Variants in FAM117A observed in about 807,000 individuals in gnomAD.
FAM117A encodes the protein family with sequence similarity 117 member A.
FAM117A carries 21 observed loss-of-function variants against 44.1 expected under a neutral mutation model. The observed-to-expected ratio is 0.48, with a 90% CI of 0.34 to 0.69. FAM117A has a LOEUF of 0.69. FAM117A is among the 30% of genes least tolerant of loss of function. The pLI, the probability that FAM117A is intolerant of heterozygous loss-of-function variation, is 0.01. For synonymous variants in FAM117A, 220 were observed against 238.3 expected (o/e 0.92, Z 0.71); for missense variants, 498 against 589.9 (o/e 0.84, Z 1.61).
chr17:49,788,200 C>T (rs1462689201), intron 1 of FAM117A, among the ~76,000 whole-genome samples: 1 of 152,184 alleles, frequency 6.6e-6, no homozygotes, highest in Non-Finnish European at 1.5e-5. Context: ...TTTTCAATTC[C>T]CCATTCCCAC....
At chr17:49,754,516 T>C (rs2073690336) in intron 1 of FAM117A, among the ~76,000 whole-genome samples, 1 of 151,676 alleles carries the variant, frequency 6.6e-6, no homozygotes, top group Non-Finnish European at 1.5e-5. Context: ...GTGTTAGCCA[T>C]GATGGTCTCG....
At chr17:49,720,303 G>A (rs527309759) in intron 4 of FAM117A, 23 bp downstream of exon 4, 1 of 1,586,704 alleles carries the variant, frequency 6.3e-7, no homozygotes, top group Non-Finnish European at 8.6e-7. Context: ...ACAGAGGGGA[G>A]AGGGCTGGGG....
intron 3 of FAM117A, 140 bp downstream of exon 3, chr17:49,722,359 A>C (rs990148917): frequency 1.5e-6 from 1 of 668,278 alleles, no homozygotes; most frequent in African/African-American, 1.8e-5. Flanking sequence ...GCTAGGAAGG[A>C]GCCATCTCAT....
At position 49,763,911 on chromosome 17, in the gene FAM117A, C is replaced by A. The variant is rs2073733898; in HGVS notation, c.177G>T (p.Arg59=). The change falls in exon 1 of 8, where the codon CGG becomes CGT. Residue 59 remains arginine (R), a synonymous_variant. Coordinates refer to ENST00000240364, the MANE Select transcript of FAM117A (RefSeq NM_030802.4). ...PFQLQQPHQR[R]DGGGRAASVP... is the part of the protein sequence containing the mutation. Reference sequence around the variant, plus strand: ...GCTCACCTGCACGGCCACCCCCGTCCCGGCGCTGGTGCGGCTGCTGCAGCT... The same window carrying A: ...GCTCACCTGCACGGCCACCCCCGTCACGGCGCTGGTGCGGCTGCTGCAGCT... 2 of 1,237,046 alleles carry A rather than the reference C, an allele frequency of 1.6e-6. No individual in the cohort carries two copies. The allele number at this position is 1,237,046 out of a possible 1,614,324, so 76.6% of individuals were successfully genotyped here.
chr17:49,778,578 G>A (rs1598039284), intron 1 of FAM117A, among the ~76,000 whole-genome samples: 1 of 152,218 alleles, frequency 6.6e-6, no homozygotes, highest in East Asian at 1.9e-4. Flanking sequence ...TGCAGGTAGA[G>A]TGACCAGAAT....
upstream of FAM117A, among the ~76,000 whole-genome samples, chr17:49,767,064 G>C (rs985354688): frequency 1.3e-5 from 2 of 152,186 alleles, no homozygotes; most frequent in African/African-American, 4.8e-5. Flanking sequence ...CTAGCTGGAG[G>C]AGTGAGAAGG....
At chr17:49,777,899 G>A (rs1482640301) in intron 1 of FAM117A, among the ~76,000 whole-genome samples, 4 of 152,246 alleles carry the variant, frequency 2.6e-5, no homozygotes, top group African/African-American at 9.6e-5. Flanking sequence ...AACAGGGTCT[G>A]TGCCCAAGAG....
chr17:49,713,059 A>T (rs369431685), intron 7 of FAM117A, among the ~76,000 whole-genome samples: 111 of 151,922 alleles, frequency 7.3e-4, no homozygotes, highest in Non-Finnish European at 1.2e-3. Context: ...TATTATTATT[A>T]TTTTTTTAGT....
intron 2 of FAM117A, among the ~76,000 whole-genome samples, chr17:49,724,822 G>GAAAAAAAAAAAAAA (rs906558600): frequency 2.3e-5 from 1 of 43,564 alleles, no homozygotes; most frequent in Non-Finnish European, 5.5e-5. Flanking sequence ...ACAGTCTCAA[G>GAAAAAAAAAAAAAA]AAAAAAAAAA....
At chr17:49,719,934 C>A (rs1343219725) in intron 4 of FAM117A, 40 bp from the exon 5 acceptor site, 1 of 1,584,250 alleles carries the variant, frequency 6.3e-7, no homozygotes, top group Middle Eastern at 1.7e-4. Context: ...CACAGCCCCA[C>A]CAGGCCTAGA....
intron 1 of FAM117A, among the ~76,000 whole-genome samples, chr17:49,734,913 CA>C (rs1377102086): frequency 2.0e-5 from 3 of 152,032 alleles, no homozygotes; most frequent in Admixed American, 6.6e-5. Context: ...GTAAGCAAGA[CA>C]AAAGGACAAA....
At chr17:49,733,463 A>C (rs1194679099) in intron 1 of FAM117A, among the ~76,000 whole-genome samples, 1 of 151,654 alleles carries the variant, frequency 6.6e-6, no homozygotes, top group African/African-American at 2.4e-5. Context: ...ACTTGAGGTC[A>C]GGAGTTTGAG....
intron 1 of FAM117A, among the ~76,000 whole-genome samples, chr17:49,782,113 C>T (rs190953134): frequency 2.3e-3 from 355 of 152,050 alleles, no homozygotes; most frequent in African/African-American, 7.7e-3. Context: ...TGGTGGCTCA[C>T]GCCTGTAATC....
At chr17:49,782,708 A>AC (rs1002168301) in intron 1 of FAM117A, among the ~76,000 whole-genome samples, 5 of 151,892 alleles carry the variant, frequency 3.3e-5, no homozygotes, top group African/African-American at 1.2e-4. Flanking sequence ...AAAAAAAAAA[A>AC]AAACCCTTTG....
chr17:49,714,016 G>A (rs747171550), intron 7 of FAM117A, among the ~76,000 whole-genome samples: 1 of 152,128 alleles, frequency 6.6e-6, no homozygotes, highest in Non-Finnish European at 1.5e-5. Context: ...CCCAATTTAC[G>A]GAGGGATGGG....
intron 1 of FAM117A, among the ~76,000 whole-genome samples, chr17:49,735,138 TA>T (rs1408148264): frequency 6.6e-6 from 1 of 152,114 alleles, no homozygotes; most frequent in Non-Finnish European, 1.5e-5. Context: ...CCAGTGAACA[TA>T]AGCTTTTATG....
intron 2 of FAM117A, 104 bp from the exon 3 acceptor site, chr17:49,722,698 TC>T (rs1261711570): frequency 4.0e-5 from 34 of 850,912 alleles, no homozygotes; most frequent in Non-Finnish European, 6.3e-5. Context: ...TGAGCCCTTC[TC>T]TCTGCTCATC....
At chr17:49,731,619 G>A (rs1423155999) in intron 2 of FAM117A, among the ~76,000 whole-genome samples, 4 of 152,256 alleles carry the variant, frequency 2.6e-5, no homozygotes, top group South Asian at 2.1e-4. Context: ...AATCCCAGTC[G>A]GGGCTGCTGG....
rs2073509974 is a variant in FAM117A, at chr17:49,717,532, T to G, written c.891A>C (p.Ala297=). The G allele has an allele frequency of 2.5e-6, 4 of 1,613,912 alleles. No individual in the cohort carries two copies. The Admixed American group carries it at 5.0e-5, about 20-fold the overall frequency. The part of the protein sequence containing the change: ...EEHRGAAEEL[A]STPNDKASSP... ...GCTTACCTTTGTCGTTGGGGGTGGATGCCAGCTCCTCGGCGGCACCCCGAT... is the reference window on the plus strand; with the variant it reads ...GCTTACCTTTGTCGTTGGGGGTGGAGGCCAGCTCCTCGGCGGCACCCCGAT... The change falls in exon 6 of 8, where the codon GCA becomes GCC. Residue 297 remains alanine (A), a synonymous_variant. Transcript: ENST00000240364.
Sources: allele counts gnomAD v4.1 joint callset (sites outside exome capture counted in the v4.1 genomes callset), GRCh38; gene constraint gnomAD v4.1.1; transcripts MANE v1.5; gene names NCBI Gene and HGNC (gene_info 2026-07-23, HGNC 2026-07-21).